PRKCE: variants seen among roughly 807,000 people sequenced by gnomAD.
The protein encoded by PRKCE is protein kinase C epsilon type.
Under a neutral mutation model 85.4 loss-of-function variants are expected in PRKCE, and 16 were observed. That is an observed-to-expected ratio of 0.19 (90% CI 0.13 to 0.28). The LOEUF (loss-of-function observed/expected upper bound fraction) is 0.28, where lower values mean the gene tolerates loss of function less well. PRKCE is among the 10% of genes least tolerant of loss of function. The pLI is 1.00. For synonymous variants in PRKCE, 388 were observed against 371.5 expected (o/e 1.04, Z -0.51); for missense variants, 573 against 975.2 (o/e 0.59, Z 5.49).
chr2:45,836,376 C>G (rs1279627129), intron 1 of PRKCE, among the ~76,000 whole-genome samples: 1 of 152,234 alleles, frequency 6.6e-6, no homozygotes, highest in Non-Finnish European at 1.5e-5. Context: ...AGTCACTGCA[C>G]ACTACCAATA....
In PRKCE at chr2:45,881,637, A is replaced by G. The variant is rs912487287; in HGVS notation, c.412+38574A>G. Among the ~76,000 whole-genome samples, 4 of 152,240 alleles carry G rather than the reference A, an allele frequency of 2.6e-5. No individual in the cohort carries two copies. The East Asian group carries it at 7.7e-4, about 29-fold the overall frequency. On this transcript the variant is annotated intron_variant, in intron 2 of 14. Coordinates refer to ENST00000306156, the MANE Select transcript of PRKCE (RefSeq NM_005400.3). ...TGTTTATTCTCTTAATTATCTCAGC[A>G]TCATTATGTGGTAGGTGCTATAGTC... is the stretch of plus-strand genomic sequence containing the variant.
intron 2 of PRKCE, among the ~76,000 whole-genome samples, chr2:45,885,923 G>C (rs74598301): frequency 0.026 from 3,979 of 152,292 alleles, 113 homozygotes; most frequent in African/African-American, 0.073. Context: ...GCTTTTTAAC[G>C]AAGGCTCTTT....
intron 6 of PRKCE, among the ~76,000 whole-genome samples, chr2:46,000,511 C>T (rs7592402): frequency 0.028 from 4,181 of 151,930 alleles, 74 homozygotes; most frequent in Middle Eastern, 0.051. Flanking sequence ...CTAAGAGAAG[C>T]CCTCGTTAAG....
At chr2:45,757,665 C>G (rs1438630117) in intron 1 of PRKCE, among the ~76,000 whole-genome samples, 6 of 151,836 alleles carry the variant, frequency 4.0e-5, no homozygotes, top group African/African-American at 9.7e-5. Context: ...AATCCTGTCT[C>G]TATTAAAAAA....
intron 1 of PRKCE, among the ~76,000 whole-genome samples, chr2:45,826,193 C>T (rs1299519102): frequency 6.6e-6 from 1 of 152,142 alleles, no homozygotes. Context: ...AGTCCTCATT[C>T]CTCTAGTTTC....
intron 11 of PRKCE, among the ~76,000 whole-genome samples, chr2:46,137,316 AC>A (rs1675098500): frequency 6.6e-6 from 1 of 152,248 alleles, no homozygotes; most frequent in Non-Finnish European, 1.5e-5. Context: ...ATCTCAGATC[AC>A]ATGTAGGCAC....
intron 1 of PRKCE, among the ~76,000 whole-genome samples, chr2:45,837,483 C>A (rs777105098): frequency 1.3e-5 from 2 of 152,122 alleles, no homozygotes; most frequent in Non-Finnish European, 2.9e-5. Context: ...TGTCAAACTC[C>A]TCACCTCAAG....
intron 1 of PRKCE, among the ~76,000 whole-genome samples, chr2:45,823,869 C>T (rs1051990825): frequency 2.0e-5 from 3 of 152,274 alleles, no homozygotes; most frequent in African/African-American, 7.2e-5. Flanking sequence ...GCTGGCAGAG[C>T]TTTCGCAGAG....
intron 11 of PRKCE, among the ~76,000 whole-genome samples, chr2:46,102,775 A>T (rs1471977801): frequency 6.6e-6 from 1 of 152,190 alleles, no homozygotes; most frequent in East Asian, 1.9e-4. Context: ...CTGATTATGG[A>T]TTAGACAGGA....
intron 2 of PRKCE, among the ~76,000 whole-genome samples, chr2:45,927,709 C>G (rs1044043960): frequency 1.3e-5 from 2 of 152,222 alleles, no homozygotes; most frequent in South Asian, 2.1e-4. Context: ...GAGGCTGATA[C>G]TCTCTCCTGC....
chr2:45,688,661 A>C (rs547034147), intron 1 of PRKCE, among the ~76,000 whole-genome samples: 1 of 152,354 alleles, frequency 6.6e-6, no homozygotes, highest in African/African-American at 2.4e-5. Flanking sequence ...AAAGAGACCA[A>C]GTATTTAGAC....
intron 2 of PRKCE, among the ~76,000 whole-genome samples, chr2:45,967,065 G>C (rs1044340642): frequency 5.3e-5 from 8 of 152,186 alleles, no homozygotes; most frequent in Admixed American, 3.9e-4. Context: ...CCAGGGGTGT[G>C]CTGGTGGTAA....
intron 2 of PRKCE, chr2:45,852,028 G>C (rs554659285): frequency 6.6e-6 from 1 of 152,456 alleles, no homozygotes; most frequent in Non-Finnish European, 1.5e-5. Flanking sequence ...CCTGCACCTC[G>C]CTGGACAGAC....
chr2:46,154,580 G>C (rs141841681), intron 13 of PRKCE, among the ~76,000 whole-genome samples: 5 of 151,586 alleles, frequency 3.3e-5, no homozygotes, highest in Admixed American at 3.3e-4. Context: ...AAGCCCCTCC[G>C]TGTTAAAGTC....
intron 1 of PRKCE, among the ~76,000 whole-genome samples, chr2:45,748,780 A>G (rs1017342070): frequency 6.6e-6 from 1 of 152,204 alleles, no homozygotes; most frequent in African/African-American, 2.4e-5. Flanking sequence ...TACAGGTGCT[A>G]GACTAGGTGG....
At chr2:45,737,510 GC>G (rs1296317341) in intron 1 of PRKCE, among the ~76,000 whole-genome samples, 1 of 152,188 alleles carries the variant, frequency 6.6e-6, no homozygotes, top group African/African-American at 2.4e-5. Flanking sequence ...TTTGCCAACG[GC>G]CCGGGGCTCC....
At chr2:46,073,333 T>C (rs1668239519) in intron 10 of PRKCE, 1 of 152,230 alleles carries the variant, frequency 6.6e-6, no homozygotes, top group Admixed American at 6.5e-5. Flanking sequence ...AGTTTGACCC[T>C]TTGCAGTGAC....
chr2:45,982,356 C>A (rs537590357), intron 5 of PRKCE, among the ~76,000 whole-genome samples: 1 of 152,218 alleles, frequency 6.6e-6, no homozygotes, highest in Non-Finnish European at 1.5e-5. Flanking sequence ...TAGCCCTAAA[C>A]ACCATGCTTT....
chr2:45,719,043 A>G (rs1454765318), intron 1 of PRKCE, among the ~76,000 whole-genome samples: 1 of 152,252 alleles, frequency 6.6e-6, no homozygotes, highest in African/African-American at 2.4e-5. Flanking sequence ...TTGTGGAGTA[A>G]TTCTTGAGAC....
Sources: gnomAD v4.1 joint callset for allele counts (sites outside exome capture counted in the v4.1 genomes callset) on GRCh38, gnomAD v4.1.1 for gene constraint, MANE v1.5 for transcripts, NCBI Gene and HGNC (gene_info 2026-07-23, HGNC 2026-07-21) for gene names.